Variants in ZRSR2 observed in about 807,000 individuals in gnomAD.
The protein encoded by ZRSR2 is U2 small nuclear ribonucleoprotein auxiliary factor 35 kDa subunit-related protein 2.
A neutral mutation model predicts 39.4 loss-of-function variants in ZRSR2; 3 were observed. The observed-to-expected ratio is 0.08, with a 90% CI of 0.03 to 0.20. The LOEUF (loss-of-function observed/expected upper bound fraction) is 0.20, where lower values mean the gene tolerates loss of function less well. Ranked by LOEUF, ZRSR2 falls within the 10% of genes least tolerant of loss-of-function variation. The probability of loss-of-function intolerance (pLI) is 1.00; values close to 1 mark genes in which losing one functional copy is unlikely to be tolerated. For synonymous variants in ZRSR2, 137 were observed against 136.0 expected (o/e 1.01, Z -0.05); for missense variants, 256 against 391.5 (o/e 0.65, Z 2.92).
chrX:15,803,595 C>A, intron 3 of ZRSR2, 93 bp from the exon 4 acceptor site: 1 of 1,038,797 alleles, frequency 9.6e-7, no homozygotes, highest in South Asian at 2.4e-5. Context: ...ATATTTGAAT[C>A]AGTCCCAAAA....
intron 5 of ZRSR2, among the ~76,000 whole-genome samples, chrX:15,807,650 C>T: frequency 9.0e-6 from 1 of 111,000 alleles, no homozygotes; most frequent in African/African-American, 3.3e-5. Flanking sequence ...GGTATATATA[C>T]TCAAATATAC....
chrX:15,791,156 T>C, intron 2 of ZRSR2, 143 bp downstream of exon 2: 1 of 499,985 alleles, frequency 2.0e-6, no homozygotes, highest in Non-Finnish European at 3.4e-6. Flanking sequence ...AGTAGTTATT[T>C]AGAAACACAT....
intron 7 of ZRSR2, among the ~76,000 whole-genome samples, chrX:15,810,392 T>G (rs1282290098): frequency 4.5e-5 from 5 of 112,000 alleles, no homozygotes; most frequent in Non-Finnish European, 7.5e-5. Context: ...TCACCATATA[T>G]TCTGCAGAAG....
intron 7 of ZRSR2, among the ~76,000 whole-genome samples, chrX:15,812,442 C>G (rs905696447): frequency 7.1e-5 from 8 of 111,990 alleles, no homozygotes; most frequent in African/African-American, 2.6e-4. Context: ...TGCTCCAGAT[C>G]GTACAGCTGT....
chrX:15,791,237 T>G (rs1282814213), intron 2 of ZRSR2, among the ~76,000 whole-genome samples: 1 of 112,129 alleles, frequency 8.9e-6, no homozygotes, highest in East Asian at 2.8e-4. Context: ...ACTGATTCTG[T>G]GTAACTTATA....
intron 1 of ZRSR2, 134 bp downstream of exon 1, chrX:15,790,670 G>A (rs749261744): frequency 3.3e-6 from 3 of 900,480 alleles, no homozygotes; most frequent in East Asian, 3.4e-5. Flanking sequence ...CCTGGTGCGC[G>A]CTCTGGTGCC....
intron 10 of ZRSR2, among the ~76,000 whole-genome samples, chrX:15,821,067 C>G (rs1048248952): frequency 1.8e-5 from 2 of 112,277 alleles, no homozygotes; most frequent in African/African-American, 3.2e-5. Context: ...CTGCCTAACG[C>G]AAAGTCAGAA....
intron 7 of ZRSR2, among the ~76,000 whole-genome samples, chrX:15,809,642 A>G (rs1932850066): frequency 8.9e-6 from 1 of 111,836 alleles, no homozygotes; most frequent in Admixed American, 9.5e-5. Context: ...GGTTGGGGAA[A>G]TAATATATTT....
At chrX:15,803,049 G>A (rs1238301435) in intron 3 of ZRSR2, among the ~76,000 whole-genome samples, 5 of 108,893 alleles carry the variant, frequency 4.6e-5, no homozygotes, top group Non-Finnish European at 9.5e-5. Context: ...GATCACTTGA[G>A]GTCAGGAGTT....
At chrX:15,800,050 G>A (rs1311712775) in intron 3 of ZRSR2, 97 bp downstream of exon 3, 2 of 510,534 alleles carry the variant, frequency 3.9e-6, no homozygotes, top group East Asian at 7.8e-5. Context: ...ATAAAATCTT[G>A]TACCAAATAG....
At chrX:15,802,538 C>T (rs1051393200) in intron 3 of ZRSR2, among the ~76,000 whole-genome samples, 15 of 112,292 alleles carry the variant, frequency 1.3e-4, no homozygotes, top group Admixed American at 9.4e-5. Context: ...CGGCTCATTG[C>T]AAACTCCGCC....
intron 10 of ZRSR2, among the ~76,000 whole-genome samples, chrX:15,821,464 G>A (rs1183454025): frequency 9.0e-6 from 1 of 111,215 alleles, no homozygotes; most frequent in Admixed American, 9.6e-5. Flanking sequence ...TAGGCTCTTT[G>A]TCTTTTTATT....
intron 5 of ZRSR2, among the ~76,000 whole-genome samples, chrX:15,805,884 T>C (rs1251289757): frequency 8.7e-5 from 9 of 102,932 alleles, no homozygotes; most frequent in Non-Finnish European, 1.4e-4. Context: ...GAGCCAAGCT[T>C]GAGCCACTGC....
At chrX:15,798,824 A>G (rs1206506174) in intron 2 of ZRSR2, among the ~76,000 whole-genome samples, 1 of 111,770 alleles carries the variant, frequency 8.9e-6, no homozygotes, top group African/African-American at 3.2e-5. Context: ...TAAACTTCTT[A>G]TTGCATACAT....
At chrX:15,808,332 G>C in intron 6 of ZRSR2, 61 bp downstream of exon 6, 1 of 1,034,850 alleles carries the variant, frequency 9.7e-7, no homozygotes, top group Non-Finnish European at 1.3e-6. Flanking sequence ...AGAAATAATA[G>C]TTCCAGTAAT....
Position 15,818,661 on chromosome X carries a change from G to A in ZRSR2, c.827+19G>A. 8.6e-7 allele frequency: 1 copy of A among 1,166,620 alleles called. No individual in the cohort carries two copies. ...ACCAGTCGTAAGTATTCTGCTTGTG[G>A]ATGTCTTCCTGATTTGTCACAGTTT... On this transcript the variant is annotated intron_variant, in intron 9 of 10. Transcript: ENST00000307771.
In ZRSR2 at chrX:15,815,898, T is replaced by C. The variant is rs894348153; in HGVS notation, c.771+8T>C. On this transcript the variant is annotated splice_region_variant and intron_variant, in intron 8 of 10. Transcript: ENST00000307771. Reference sequence around the variant, plus strand: ...AAAGTGATTCAGTTCAAGGTGGGCATGCGTGTGGAGGAGGGGACTGGTTTG... The same window carrying C: ...AAAGTGATTCAGTTCAAGGTGGGCACGCGTGTGGAGGAGGGGACTGGTTTG... 1 of 1,193,657 alleles carries C rather than the reference T, an allele frequency of 8.4e-7. No homozygotes were observed. Among genetic ancestry groups the C allele is most frequent in the African/African-American group, 1.7e-5 (1 of 57,403 alleles).
intron 5 of ZRSR2, among the ~76,000 whole-genome samples, chrX:15,806,711 C>G (rs1210026086): frequency 1.4e-5 from 1 of 70,039 alleles, no homozygotes; most frequent in Non-Finnish European, 2.7e-5. Flanking sequence ...AACCACTGCA[C>G]CAGACTTTTT....
chrX:15,812,005 C>T (rs763463814), intron 7 of ZRSR2, among the ~76,000 whole-genome samples: 1 of 111,954 alleles, frequency 8.9e-6, no homozygotes, highest in East Asian at 2.8e-4. Flanking sequence ...TCTCCGCTCA[C>T]TGCAAACTCC....
Sources: allele counts gnomAD v4.1 joint callset (sites outside exome capture counted in the v4.1 genomes callset), GRCh38; gene constraint gnomAD v4.1.1; transcripts MANE v1.5; gene names NCBI Gene and HGNC (gene_info 2026-07-23, HGNC 2026-07-21).